NFE2: variants seen among roughly 807,000 people sequenced by gnomAD.
NFE2 encodes nuclear factor, erythroid 2, also known as transcription factor NF-E2 45 kDa subunit.
In NFE2, 13 loss-of-function variants were observed where a neutral mutation model predicts 25.8. That is an observed-to-expected ratio of 0.50 (90% CI 0.33 to 0.80). The LOEUF is 0.80. NFE2 is among the 30% of genes least tolerant of loss of function. The pLI is 0.02. For synonymous variants in NFE2, 204 were observed against 200.2 expected, an observed-to-expected ratio of 1.02 and a Z score of -0.16; for missense variants, 382 against 478.9, an observed-to-expected ratio of 0.80 and a Z score of 1.89.
At chr12:54,297,224 A>G (rs1473016139) in intron 1 of NFE2, among the ~76,000 whole-genome samples, 4 of 151,950 alleles carry the variant, frequency 2.6e-5, no homozygotes, top group Non-Finnish European at 2.9e-5. Flanking sequence ...GCATAATGGC[A>G]CACATCTGTG....
rs1248949921 is a variant in NFE2 at position 54,293,219 on chromosome 12, G to T, written c.277C>A (p.Pro93Thr). Reference protein sequence around the residue: ...YELPASTSHVPDPPYSYGNMA... With the variant: ...YELPASTSHVTDPPYSYGNMA... ...TTGCCATAGGAGTATGGGGGATCTG[G>T]GACATGGGATGTGGATGCTGGGAGC... Residue 93 changes from proline (P) to threonine (T), a missense_variant, in exon 3 of 3, where the codon CCA becomes ACA. Transcript: ENST00000435572. The T allele has an allele frequency of 6.2e-7, 1 of 1,606,182 alleles. No homozygotes were observed. Among genetic ancestry groups the T allele is most frequent in the African/African-American group, 1.3e-5 (1 of 74,714 alleles).
At chr12:54,298,364 G>A (rs559748243) in intron 1 of NFE2, among the ~76,000 whole-genome samples, 7 of 151,908 alleles carry the variant, frequency 4.6e-5, no homozygotes, top group African/African-American at 1.4e-4. Flanking sequence ...AAAATTAGCC[G>A]GGCATGGTGG....
rs1218202519 is a variant in NFE2, at chr12:54,293,252, G to C, written c.244C>G (p.Pro82Ala). The C allele has an allele frequency of 1.7e-5, 28 of 1,612,314 alleles. No homozygotes were observed. Among genetic ancestry groups the C allele is most frequent in the South Asian group, 4.4e-5 (4 of 90,752 alleles). ...PDSGFPLPPP[P>A]YELPASTSHV... Reference sequence around the variant, plus strand: ...GATGTGGATGCTGGGAGCTCATAAGGTGGTGGAGGAAGTGGGAAGCCAGAA... The same window carrying C: ...GATGTGGATGCTGGGAGCTCATAAGCTGGTGGAGGAAGTGGGAAGCCAGAA... The change falls in exon 3 of 3, where the codon CCT (proline) becomes GCT (alanine). Residue 82 changes from proline (P) to alanine (A), a missense_variant. Physicochemically the swap from Pro to Ala is conservative, Grantham distance 27. Coordinates refer to ENST00000435572, the MANE Select transcript of NFE2 (RefSeq NM_001136023.3).
At chr12:54,297,412 C>A (rs1944383003) in intron 1 of NFE2, among the ~76,000 whole-genome samples, 1 of 144,964 alleles carries the variant, frequency 6.9e-6, no homozygotes, top group Admixed American at 6.9e-5. Context: ...ACCTGTAATC[C>A]TAGGACTTTG....
intron 1 of NFE2, among the ~76,000 whole-genome samples, chr12:54,299,613 A>C (rs1419132641): frequency 6.6e-6 from 1 of 152,186 alleles, no homozygotes; most frequent in East Asian, 1.9e-4. Context: ...CATAATCCCT[A>C]AGTACTCACA....
At chr12:54,294,555 T>C (rs1257316523) in intron 2 of NFE2, among the ~76,000 whole-genome samples, 2 of 152,100 alleles carry the variant, frequency 1.3e-5, no homozygotes, top group Non-Finnish European at 2.9e-5. Flanking sequence ...CCTGCCCAGG[T>C]GCAGCGAGAA....
chr12:54,293,604 C>G (rs539987520), intron 2 of NFE2, among the ~76,000 whole-genome samples: 2 of 152,318 alleles, frequency 1.3e-5, no homozygotes, highest in Admixed American at 6.5e-5. Flanking sequence ...AATCCCAACA[C>G]TATGGGAGGC....
intron 1 of NFE2, among the ~76,000 whole-genome samples, 162 bp downstream of exon 1, chr12:54,300,638 CA>C (rs1944414911): frequency 6.6e-6 from 1 of 152,092 alleles, no homozygotes; most frequent in South Asian, 2.1e-4. Flanking sequence ...GAGGAGTTCC[CA>C]AATATGTCAG....
chr12:54,292,345 C>T lies in NFE2; in HGVS notation c.*29G>A, dbSNP rs769516268. ...TATCAGAAGGGAATGAAGGAAATCC[C>T]ATCAGCAGTTCCACCCCTCTGGGCC... On this transcript the variant is annotated 3_prime_UTR_variant, in exon 3 of 3. Coordinates refer to ENST00000435572, the MANE Select transcript of NFE2 (RefSeq NM_001136023.3). 2 of 1,599,638 alleles carry T rather than the reference C, an allele frequency of 1.3e-6. No individual in the cohort carries two copies. Among genetic ancestry groups the T allele is most frequent in the Non-Finnish European group, 1.7e-6 (2 of 1,169,668 alleles).
intron 1 of NFE2, among the ~76,000 whole-genome samples, chr12:54,296,977 A>C (rs35702801): frequency 0.01 from 1,574 of 152,110 alleles, 30 homozygotes; most frequent in African/African-American, 0.036. Flanking sequence ...AAGAGATTCC[A>C]AGTAGATTTG....
In NFE2 at chr12:54,293,300, AG is replaced by A. The variant is rs1944337669; in HGVS notation, c.195del (p.Cys66AlafsTer45). 1 of 1,607,840 alleles carries A rather than the reference AG, an allele frequency of 6.2e-7. No homozygotes were observed. The highest frequency in any genetic ancestry group is 8.5e-7 in the Non-Finnish European group (1 of 1,176,580). On this transcript the variant is annotated frameshift_variant, in exon 3 of 3. Transcript: ENST00000435572. LOFTEE classifies it high-confidence loss of function. The part of the protein sequence containing the change: ...PYLGPPPPTT[Y>X]CPCSIHPDSG... ...GAATCTGGGTGGATTGAGCAGGGGCAGTAAGTTGTGGGTGGTGGAGGTCCAA... is the reference window on the plus strand; with the variant it reads ...GAATCTGGGTGGATTGAGCAGGGGCATAAGTTGTGGGTGGTGGAGGTCCAA...
In NFE2 at chr12:54,292,358, A is replaced by G; in HGVS notation, c.*16T>C. The G allele has an allele frequency of 6.2e-7, 1 of 1,607,512 alleles. No homozygotes were observed. Among genetic ancestry groups the G allele is most frequent in the Non-Finnish European group, 8.5e-7 (1 of 1,174,986 alleles). ...TGAAGGAAATCCCATCAGCAGTTCC[A>G]CCCCTCTGGGCCAGCTCAGTCTGTG... On this transcript the variant is annotated 3_prime_UTR_variant, in exon 3 of 3. Coordinates refer to ENST00000435572, the MANE Select transcript of NFE2 (RefSeq NM_001136023.3).
rs1944322624 is a variant in NFE2, at chr12:54,292,181, G to A, written c.*193C>T. ...CTAAAGACCTGAGGAGCCGAGTCAG[G>A]GAAGACAGATTCCAGCCCTCCCTCA... is the stretch of plus-strand genomic sequence containing the variant. On this transcript the variant is annotated 3_prime_UTR_variant, in exon 3 of 3. Transcript: ENST00000435572. 2 of 613,044 alleles carry A rather than the reference G, an allele frequency of 3.3e-6. No homozygotes were observed. Among genetic ancestry groups the A allele is most frequent in the Admixed American group, 5.9e-5 (2 of 33,624 alleles). 38.0% of individuals were successfully genotyped at this position (613,044 alleles called of 1,614,324 possible). A position where few individuals can be genotyped will look rare whatever the true frequency, so the allele number is the denominator to read the frequency against.
At chr12:54,297,666 GGAAAAAAAAAAAA>G (rs1944386057) in intron 1 of NFE2, 1 of 74,816 alleles carries the variant, frequency 1.3e-5, no homozygotes, top group African/African-American at 7.1e-5. Flanking sequence ...ACTCTGTTTC[GGAAAAAAAAAAAA>G]AAAAAAAAAA....
intron 1 of NFE2, among the ~76,000 whole-genome samples, chr12:54,297,323 C>T (rs1047929685): frequency 1.5e-5 from 2 of 137,164 alleles, no homozygotes; most frequent in South Asian, 2.3e-4. Flanking sequence ...CCACCGCACT[C>T]GAGAGCCTGG....
In NFE2 at chr12:54,292,139, C is replaced by T; in HGVS notation, c.*235G>A. 1 of 555,928 alleles carries T rather than the reference C, an allele frequency of 1.8e-6. No individual in the cohort carries two copies. The highest frequency in any genetic ancestry group is 3.2e-6 in the Non-Finnish European group (1 of 312,060). The allele number at this position is 555,928 out of a possible 1,614,324, so 34.4% of individuals were successfully genotyped here. A position where few individuals can be genotyped will look rare whatever the true frequency, so the allele number is the denominator to read the frequency against. On this transcript the variant is annotated 3_prime_UTR_variant, in exon 3 of 3. Transcript: ENST00000435572. ...CTGTAGCGCACTTTATAGACCAAAG[C>T]TTAGACAAGGTGGAGGCTAAAGACC...
chr12:54,297,683 A>G (rs1313770684), intron 1 of NFE2: 2 of 152,316 alleles, frequency 1.3e-5, no homozygotes, highest in African/African-American at 2.4e-5. Context: ...AAAAAAAAAA[A>G]AAAAAAAAAG....
At chr12:54,298,714 A>T (rs944136851) in intron 1 of NFE2, among the ~76,000 whole-genome samples, 4 of 151,878 alleles carry the variant, frequency 2.6e-5, no homozygotes, top group African/African-American at 4.8e-5. Flanking sequence ...GCCACTTCAA[A>T]TCTACTGAAT....
Position 54,295,250 on chromosome 12 carries a change from C to T in NFE2, c.-2G>A, listed in dbSNP as rs759758546. ...CTGCTGGGGAGGACACGGGGACATC[C>T]TACTGGGCCAGAGTCTGGTCCAGGT... On this transcript the variant is annotated 5_prime_UTR_variant, in exon 2 of 3. Transcript: ENST00000435572. 6.2e-7 allele frequency: 1 copy of T among 1,613,470 alleles called. No homozygotes were observed. The highest frequency in any genetic ancestry group is 1.7e-5 in the Admixed American group (1 of 60,008).
Sources: allele counts gnomAD v4.1 joint callset (sites outside exome capture counted in the v4.1 genomes callset), GRCh38; gene constraint gnomAD v4.1.1; transcripts MANE v1.5; gene names NCBI Gene and HGNC (gene_info 2026-07-23, HGNC 2026-07-21).